Variants in REC114 observed in about 807,000 individuals in gnomAD.
REC114 encodes REC114 meiotic recombination protein, also known as meiotic recombination protein REC114.
REC114 carries 27 observed loss-of-function variants against 31.3 expected under a neutral mutation model. The observed-to-expected ratio is 0.86, with a 90% CI of 0.64 to 1.19. The LOEUF is 1.19. Ranked by LOEUF, REC114 falls within the 50% of genes most tolerant of loss-of-function variation. The pLI is 0.00. For missense variants in REC114, 344 were observed against 326.9 expected, an observed-to-expected ratio of 1.05 and a Z score of -0.40; for synonymous variants, 134 against 127.7, an observed-to-expected ratio of 1.05 and a Z score of -0.33.
intron 1 of REC114, among the ~76,000 whole-genome samples, chr15:73,472,153 A>T (rs1487767671): frequency 6.6e-6 from 1 of 152,242 alleles, no homozygotes; most frequent in Non-Finnish European, 1.5e-5. Flanking sequence ...TCATGTTAAC[A>T]CATTGCCTTC....
intron 1 of REC114, among the ~76,000 whole-genome samples, chr15:73,463,046 T>C (rs1893011833): frequency 6.6e-6 from 1 of 152,172 alleles, no homozygotes; most frequent in African/African-American, 2.4e-5. Flanking sequence ...AAAAGGACTT[T>C]AAAAAAGCAT....
rs549864499 is a variant in REC114, at chr15:73,479,569, C to A, written c.249+5648C>A. ...ATAACTGAAGCTTCATACCCTTTGA[C>A]CAACATCTCATTTCCTCTACCTTCC... On this transcript the variant is annotated intron_variant, in intron 2 of 5. Coordinates refer to ENST00000331090, the MANE Select transcript of REC114 (RefSeq NM_001042367.2). 2.0e-5 allele frequency among the ~76,000 whole-genome samples: 3 copies of A among 152,140 alleles called. No individual in the cohort carries two copies. The South Asian group carries it at 6.2e-4, about 32-fold the overall frequency.
intron 2 of REC114, among the ~76,000 whole-genome samples, chr15:73,500,269 T>TA (rs778605595): frequency 1.3e-5 from 2 of 150,590 alleles, no homozygotes; most frequent in Non-Finnish European, 2.9e-5. Context: ...TCATAGGTGT[T>TA]AAATATATGT....
chr15:73,520,336 A>G (rs1032123384), intron 2 of REC114, among the ~76,000 whole-genome samples: 1 of 152,030 alleles, frequency 6.6e-6, no homozygotes, highest in Non-Finnish European at 1.5e-5. Context: ...GGTTTAAGCA[A>G]TTCTCTGCCT....
At chr15:73,518,374 C>A (rs1427000132) in intron 2 of REC114, among the ~76,000 whole-genome samples, 3 of 152,190 alleles carry the variant, frequency 2.0e-5, no homozygotes, top group Non-Finnish European at 4.4e-5. Flanking sequence ...CTCTCAGCTC[C>A]GTTTTCCTCT....
chr15:73,488,433 G>A, intron 2 of REC114, among the ~76,000 whole-genome samples: 1 of 152,070 alleles, frequency 6.6e-6, no homozygotes. Flanking sequence ...TAAATTCCAT[G>A]CTTAATTAAT....
chr15:73,454,204 T>C (rs1892888350), intron 1 of REC114, among the ~76,000 whole-genome samples: 1 of 152,032 alleles, frequency 6.6e-6, no homozygotes, highest in Non-Finnish European at 1.5e-5. Context: ...CCCAAGAGAA[T>C]GGAGGTTTAT....
chr15:73,555,792 A>T (rs576417267), intron 4 of REC114, among the ~76,000 whole-genome samples: 17 of 152,332 alleles, frequency 1.1e-4, no homozygotes, highest in Admixed American at 2.0e-4. Flanking sequence ...AATGAGATTT[A>T]AAAAAATCAT....
rs1894363464 is a variant in REC114 at position 73,549,829 on chromosome 15, G to C, written c.334-1109G>C. Among the ~76,000 whole-genome samples, 8 of 152,146 alleles carry C rather than the reference G, an allele frequency of 5.3e-5. No individual in the cohort carries two copies. The South Asian group carries it at 1.2e-3, about 24-fold the overall frequency. On this transcript the variant is annotated intron_variant, in intron 3 of 5. Transcript: ENST00000331090. ...CAGTGGTGCCTATTCTTCTAAACAT[G>C]ATAGCTTACCATTATCTCAGCCATG...
At chr15:73,552,927 G>A (rs1566950483) in intron 4 of REC114, among the ~76,000 whole-genome samples, 1 of 152,074 alleles carries the variant, frequency 6.6e-6, no homozygotes. Context: ...CCATTCTCCT[G>A]CCTCAGCCTC....
chr15:73,472,481 C>A (rs140057102), intron 1 of REC114, among the ~76,000 whole-genome samples: 17 of 152,264 alleles, frequency 1.1e-4, no homozygotes, highest in Non-Finnish European at 2.4e-4. Flanking sequence ...CCAAACCCCA[C>A]GTATGAAACT....
At chr15:73,530,874 C>T (rs1350680824) in intron 2 of REC114, among the ~76,000 whole-genome samples, 2 of 151,896 alleles carry the variant, frequency 1.3e-5, no homozygotes, top group Admixed American at 6.6e-5. Flanking sequence ...GGCACCAAAA[C>T]ACCTTCTCAC....
chr15:73,532,555 G>A (rs1385533286), intron 2 of REC114, among the ~76,000 whole-genome samples: 3 of 151,412 alleles, frequency 2.0e-5, no homozygotes, highest in East Asian at 3.9e-4. Context: ...CTGAGGAATC[G>A]CCACACTGAC....
chr15:73,519,548 C>G (rs1025808146), intron 2 of REC114, among the ~76,000 whole-genome samples: 2 of 152,186 alleles, frequency 1.3e-5, no homozygotes, highest in African/African-American at 4.8e-5. Flanking sequence ...AATGGTGCAA[C>G]CTCTCTGAAA....
intron 1 of REC114, among the ~76,000 whole-genome samples, chr15:73,459,732 G>A (rs1892965179): frequency 6.6e-6 from 1 of 152,190 alleles, no homozygotes; most frequent in Non-Finnish European, 1.5e-5. Flanking sequence ...GTCATGGGCA[G>A]AAGCTTTAAG....
At chr15:73,491,717 G>T (rs532855194) in intron 2 of REC114, among the ~76,000 whole-genome samples, 2 of 152,062 alleles carry the variant, frequency 1.3e-5, no homozygotes, top group African/African-American at 4.8e-5. Context: ...GACCAACATA[G>T]TGAAACCTTG....
At chr15:73,513,986 C>T (rs975608585) in intron 2 of REC114, among the ~76,000 whole-genome samples, 5 of 151,988 alleles carry the variant, frequency 3.3e-5, no homozygotes, top group African/African-American at 1.2e-4. Context: ...GTTCGAGCTT[C>T]CTGGCTGCTT....
chr15:73,507,663 G>A (rs556100854), intron 2 of REC114, among the ~76,000 whole-genome samples: 29 of 152,110 alleles, frequency 1.9e-4, no homozygotes, highest in Non-Finnish European at 3.4e-4. Context: ...GTACATGTAC[G>A]TACACATATA....
At chr15:73,445,642 T>C (rs1892754093) in intron 1 of REC114, among the ~76,000 whole-genome samples, 1 of 152,168 alleles carries the variant, frequency 6.6e-6, no homozygotes, top group Non-Finnish European at 1.5e-5. Context: ...GGGTTATTAG[T>C]TGGCTGGATT....
Sources: allele counts gnomAD v4.1 joint callset (sites outside exome capture counted in the v4.1 genomes callset), GRCh38; gene constraint gnomAD v4.1.1; transcripts MANE v1.5; gene names NCBI Gene and HGNC (gene_info 2026-07-23, HGNC 2026-07-21).